The following DPH2 variants were observed in gnomAD, a reference collection of about 807,000 sequenced individuals.
The protein encoded by DPH2 is 2-(3-amino-3-carboxypropyl)histidine synthase subunit 2.
A neutral mutation model predicts 42.5 loss-of-function variants in DPH2; 28 were observed. The ratio of observed to expected loss-of-function variants is 0.66; its 90% CI spans 0.49 to 0.90. The LOEUF is 0.90. Among genes scored for constraint, DPH2 ranks in the 40% least tolerant of loss-of-function variants. The pLI is 0.00. For missense variants in DPH2, 576 were observed against 636.0 expected, an observed-to-expected ratio of 0.91 and a Z score of 1.01; for synonymous variants, 279 against 264.4, an observed-to-expected ratio of 1.06 and a Z score of -0.53.
chr1:43,970,053 G>C lies in DPH2; in HGVS notation c.-123G>C. The C allele has an allele frequency of 8.7e-7, 1 of 1,149,874 alleles. No homozygotes were observed. Among genetic ancestry groups the C allele is most frequent in the East Asian group, 2.5e-5 (1 of 39,484 alleles). The allele number at this position is 1,149,874 out of a possible 1,614,324, so 71.2% of individuals were successfully genotyped here. A position where few individuals can be genotyped will look rare whatever the true frequency, so the allele number is the denominator to read the frequency against. ...AGGGGATACTCACCGGCTGAAGGCC[G>C]ACTGTGATTCCCCCTACCCCCACAA... On this transcript the variant is annotated 5_prime_UTR_variant, in exon 1 of 6. Coordinates refer to ENST00000255108, the MANE Select transcript of DPH2 (RefSeq NM_001384.5).
Position 43,972,493 on chromosome 1 carries a change from G to A in DPH2, c.1424G>A (p.Gly475Glu). 6.2e-7 allele frequency: 1 copy of A among 1,614,270 alleles called. No homozygotes were observed. The change falls in exon 6 of 6, where the codon GGA becomes GAA. Residue 475 changes from glycine to glutamate, a missense_variant. Transcript: ENST00000255108. ...ACGCCAGTGACAGAAGCTGTGAGTG[G>A]AAGACGAGGGATTGCCATCGCCTAT... ...GQTPVTEAVSGRRGIAIAYED... is the reference protein window; with the variant it reads ...GQTPVTEAVSERRGIAIAYED...
rs770453378 is a variant in DPH2, at chr1:43,970,130, G to A, written c.-46G>A. ...TCTAGAGGACTCAGGCCCCGAAGCT[G>A]TCCCAGGGAGGTCCCCGCTGCATCC... is the stretch of plus-strand genomic sequence containing the variant. On this transcript the variant is annotated 5_prime_UTR_variant, in exon 1 of 6. Coordinates refer to ENST00000255108, the MANE Select transcript of DPH2 (RefSeq NM_001384.5). The A allele has an allele frequency of 1.9e-6, 3 of 1,600,590 alleles. No homozygotes were observed.
At chr1:43,971,270 A>G (rs2085416196) in intron 3 of DPH2, 81 bp downstream of exon 3, 2 of 1,529,744 alleles carry the variant, frequency 1.3e-6, no homozygotes, top group Non-Finnish European at 1.8e-6. Flanking sequence ...TATACCATCC[A>G]TAGAACTCTT....
In DPH2 at chr1:43,971,382, T is replaced by A; in HGVS notation, c.485-5T>A. 6.4e-7 allele frequency: 1 copy of A among 1,568,764 alleles called. No homozygotes were observed. The highest frequency in any genetic ancestry group is 8.7e-7 in the Non-Finnish European group (1 of 1,155,926). ...CAACCTCAACACTACCTCCTTCTCTTCCAGAGGCTTTGGCTACTCTCCTGC... is the reference window on the plus strand; with the variant it reads ...CAACCTCAACACTACCTCCTTCTCTACCAGAGGCTTTGGCTACTCTCCTGC... On this transcript the variant is annotated splice_polypyrimidine_tract_variant and splice_region_variant and intron_variant, in intron 3 of 5. Coordinates refer to ENST00000255108, the MANE Select transcript of DPH2 (RefSeq NM_001384.5).
Position 43,970,036 on chromosome 1 carries a change from C to T in DPH2, c.-140C>T. The T allele has an allele frequency of 1.0e-6, 1 of 955,486 alleles. No homozygotes were observed. 59.2% of individuals were successfully genotyped at this position (955,486 alleles called of 1,614,324 possible). ...GTAGTTAGGATGGCTGAAGGGGATA[C>T]TCACCGGCTGAAGGCCGACTGTGAT... On this transcript the variant is annotated 5_prime_UTR_variant, in exon 1 of 6. Coordinates refer to ENST00000255108, the MANE Select transcript of DPH2 (RefSeq NM_001384.5).
rs2154302715 is a variant in DPH2 at position 43,971,526 on chromosome 1, G to A, written c.624G>A (p.Gly208=). 6.2e-7 allele frequency: 1 copy of A among 1,614,218 alleles called. No individual in the cohort carries two copies. Among genetic ancestry groups the A allele is most frequent in the Non-Finnish European group, 8.5e-7 (1 of 1,180,018 alleles). ...RFGRRFPLAP[G]RRLEEYGAFY... The stretch of plus-strand genomic sequence containing the variant: ...GGCGCCGCTTCCCCCTTGCCCCAGG[G>A]AGGCGTCTAGAAGAGTATGGTGCCT... Residue 208 remains glycine, a synonymous_variant, in exon 4 of 6, where the codon GGG becomes GGA. Transcript: ENST00000255108.
In DPH2 at chr1:43,971,761, C is replaced by G; in HGVS notation, c.859C>G (p.Leu287Val). ...RARDARVVGL[L>V]AGTLGVAQHR... ...CAGAGATGCCCGCGTGGTAGGGCTG[C>G]TGGCAGGCACACTGGGTGTAGCCCA... is the stretch of plus-strand genomic sequence containing the variant. The change falls in exon 4 of 6, where the codon CTG becomes GTG. Residue 287 changes from leucine (L) to valine (V), a missense_variant. This residue lies in a region of DPH2 where 395 missense variants were observed against 435.2 expected (regional missense o/e 0.91). Coordinates refer to ENST00000255108, the MANE Select transcript of DPH2 (RefSeq NM_001384.5). The G allele has an allele frequency of 6.2e-7, 1 of 1,609,880 alleles. No homozygotes were observed. The highest frequency in any genetic ancestry group is 8.5e-7 in the Non-Finnish European group (1 of 1,179,632).
chr1:43,970,483 G>A (rs770847560), intron 1 of DPH2, 113 bp from the exon 2 acceptor site: 87 of 1,516,650 alleles, frequency 5.7e-5, no homozygotes, highest in Non-Finnish European at 7.5e-5. Flanking sequence ...GGGGCAGAGT[G>A]CCCCTCTGGG....
In DPH2 at chr1:43,970,706, C is replaced by T; in HGVS notation, c.258C>T (p.Gly86=). Residue 86 remains glycine (G), a splice_region_variant and synonymous_variant, in exon 2 of 6, where the codon GGC becomes GGT. Coordinates refer to ENST00000255108, the MANE Select transcript of DPH2 (RefSeq NM_001384.5). ...TCATTCTGGGTGACACAGCCTACGG[C>T]AGGTGTGAACTTGGCCTTAGGTGGG... is the stretch of plus-strand genomic sequence containing the variant. ...KMFILGDTAY[G]SCCVDVLGAE... 6.2e-7 allele frequency: 1 copy of T among 1,614,050 alleles called. No individual in the cohort carries two copies. Among genetic ancestry groups the T allele is most frequent in the Non-Finnish European group, 8.5e-7 (1 of 1,179,930 alleles).
At chr1:43,970,412 A>G (rs996518425) in intron 1 of DPH2, 90 bp downstream of exon 1, 35 of 1,561,804 alleles carry the variant, frequency 2.2e-5, no homozygotes, top group Middle Eastern at 3.4e-4. Context: ...TGAGGGCGAG[A>G]GGGTGGGGGA....
intron 2 of DPH2, 46 bp from the exon 3 acceptor site, chr1:43,970,920 C>T (rs768389156): frequency 5.8e-6 from 9 of 1,541,040 alleles, no homozygotes; most frequent in Middle Eastern, 1.7e-4. Flanking sequence ...GACAGCAACT[C>T]GCCTCCAGAA....
rs1465646230 is a variant in DPH2, at chr1:43,971,385, A to G, written c.485-2A>G. On this transcript the variant is annotated splice_acceptor_variant, in intron 3 of 5. Transcript: ENST00000255108. LOFTEE classifies it high-confidence loss of function. ...CCTCAACACTACCTCCTTCTCTTCC[A>G]GAGGCTTTGGCTACTCTCCTGCGCC... 1.3e-6 allele frequency: 2 copies of G among 1,570,316 alleles called. No homozygotes were observed. The highest frequency in any genetic ancestry group is 3.8e-5 in the Admixed American group (2 of 52,936).
chr1:43,971,589 C>G lies in DPH2; in HGVS notation c.687C>G (p.Asp229Glu), dbSNP rs1242770449. Residue 229 changes from aspartate to glutamate, a missense_variant, in exon 4 of 6, where the codon GAC (aspartate) becomes GAG (glutamate). Around this residue, in one of 3 missense-constraint regions of DPH2, gnomAD observed 395 missense variants for 435.2 expected, o/e 0.91. Coordinates refer to ENST00000255108, the MANE Select transcript of DPH2 (RefSeq NM_001384.5). Reference sequence around the variant, plus strand: ...GCTCTAAGGCCAGCCCTGACCCAGACCTTGACCCAGACCTGAGTCGGCTGC... The same window carrying G: ...GCTCTAAGGCCAGCCCTGACCCAGAGCTTGACCCAGACCTGAGTCGGCTGC... Reference protein sequence around the residue: ...VGGSKASPDPDLDPDLSRLLL... With the variant: ...VGGSKASPDPELDPDLSRLLL... 1 of 1,613,848 alleles carries G rather than the reference C, an allele frequency of 6.2e-7. No homozygotes were observed. The highest frequency in any genetic ancestry group is 8.5e-7 in the Non-Finnish European group (1 of 1,179,858).
In DPH2 at chr1:43,971,047, A is replaced by G. The variant is rs1443701997; in HGVS notation, c.342A>G (p.Pro114=). 1.3e-6 allele frequency: 2 copies of G among 1,578,082 alleles called. No homozygotes were observed. The highest frequency in any genetic ancestry group is 1.7e-6 in the Non-Finnish European group (2 of 1,160,912). The change falls in exon 3 of 6, where the codon CCA becomes CCG. Residue 114 remains proline (P), a synonymous_variant. Coordinates refer to ENST00000255108, the MANE Select transcript of DPH2 (RefSeq NM_001384.5). ...IHFGPACLSP[P]ARPLPVAFVL... ...TTGGCCCTGCCTGCTTAAGCCCTCC[A>G]GCCCGCCCACTGCCCGTTGCCTTCG...
rs1016074759 is a variant in DPH2 at position 43,973,355 on chromosome 1, A to G, written c.*816A>G. The G allele has an allele frequency of 6.6e-6, 1 of 152,252 alleles. No homozygotes were observed. Among genetic ancestry groups the G allele is most frequent in the Non-Finnish European group, 1.5e-5 (1 of 68,050 alleles). The allele number at this position is 152,252 out of a possible 1,614,324, so 9.4% of individuals were successfully genotyped here. A position where few individuals can be genotyped will look rare whatever the true frequency, so the allele number is the denominator to read the frequency against. ...AGGGAGATCACAGCAACCTAAATAAACCAGATACCTTTTCTCTTTGTGTTT... is the reference window on the plus strand; with the variant it reads ...AGGGAGATCACAGCAACCTAAATAAGCCAGATACCTTTTCTCTTTGTGTTT... On this transcript the variant is annotated 3_prime_UTR_variant, in exon 6 of 6. Coordinates refer to ENST00000255108, the MANE Select transcript of DPH2 (RefSeq NM_001384.5).
At position 43,971,164 on chromosome 1, in the gene DPH2, T is replaced by A; in HGVS notation, c.459T>A (p.Ser153Arg). ...CCAAAGCGCCTGTGGTGCTGCTGAG[T>A]GAGCCGGCCTGTGCCCATGCCCTGG... The part of the protein sequence containing the change: ...PDPKAPVVLL[S>R]EPACAHALEA... The change falls in exon 3 of 6, where the codon AGT becomes AGA. Residue 153 changes from serine (S) to arginine (R), a missense_variant. By Grantham distance (110) the Ser-to-Arg change is moderately radical. Coordinates refer to ENST00000255108, the MANE Select transcript of DPH2 (RefSeq NM_001384.5). The A allele has an allele frequency of 6.4e-7, 1 of 1,555,536 alleles. No homozygotes were observed. Among genetic ancestry groups the A allele is most frequent in the Non-Finnish European group, 8.7e-7 (1 of 1,148,782 alleles).
chr1:43,970,194 AG>A lies in DPH2; in HGVS notation c.20del (p.Ser7ThrfsTer105). ...GTGCCTCATGGAGTCGATGTTTAGC[AG>A]CCCTGCCGAGGCGGCGCTGCAGCGA... MESMFS[S>X]PAEAALQRET... is the part of the protein sequence containing the mutation. On this transcript the variant is annotated frameshift_variant, in exon 1 of 6. Coordinates refer to ENST00000255108, the MANE Select transcript of DPH2 (RefSeq NM_001384.5). LOFTEE classifies it high-confidence loss of function. The A allele has an allele frequency of 6.2e-7, 1 of 1,614,094 alleles. No individual in the cohort carries two copies. Among genetic ancestry groups the A allele is most frequent in the Non-Finnish European group, 8.5e-7 (1 of 1,180,010 alleles).
chr1:43,972,521 G>A lies in DPH2; in HGVS notation c.1452G>A (p.Glu484=), dbSNP rs1225309023. The A allele has an allele frequency of 3.7e-6, 6 of 1,614,126 alleles. No individual in the cohort carries two copies. The East Asian group carries it at 1.1e-4, about 30-fold the overall frequency. ...SGRRGIAIAY[E]DEGSG ...GACGAGGGATTGCCATCGCCTATGA[G>A]GATGAGGGAAGCGGCTGATACCATG... The change falls in exon 6 of 6, where the codon GAG becomes GAA. Residue 484 remains glutamate (E), a synonymous_variant. Transcript: ENST00000255108.
chr1:43,972,236 A>C lies in DPH2; in HGVS notation c.1247A>C (p.Asp416Ala), dbSNP rs1438170038. The C allele has an allele frequency of 1.2e-6, 2 of 1,613,970 alleles. No individual in the cohort carries two copies. The highest frequency in any genetic ancestry group is 2.2e-5 in the East Asian group (1 of 44,878). ...ETPDVSLITG[D>A]LRPPPAWKSS... ...CCAGACGTGTCACTCATTACTGGAG[A>C]TCTCCGACCCCCACCTGCCTGGAAG... The change falls in exon 5 of 6, where the codon GAT becomes GCT. Residue 416 changes from aspartate (D) to alanine (A), a missense_variant. Around this residue, in one of 3 missense-constraint regions of DPH2, gnomAD observed 178 missense variants for 184.4 expected, o/e 0.97. Coordinates refer to ENST00000255108, the MANE Select transcript of DPH2 (RefSeq NM_001384.5).
Sources: allele counts gnomAD v4.1 joint callset, GRCh38; gene constraint gnomAD v4.1.1; regional missense constraint gnomAD v4.1.1; transcripts MANE v1.5; gene names NCBI Gene and HGNC (gene_info 2026-07-23, HGNC 2026-07-21).